Variants in ZNF618 observed in about 807,000 individuals in gnomAD.
ZNF618 encodes the protein neural precursor cell expressed, developmentally down-regulated 10.
A neutral mutation model predicts 103.0 loss-of-function variants in ZNF618; 34 were observed. The observed-to-expected ratio is 0.33, with a 90% CI of 0.25 to 0.44. The LOEUF (loss-of-function observed/expected upper bound fraction) is 0.44, where lower values mean the gene tolerates loss of function less well. Ranked by LOEUF, ZNF618 falls within the 20% of genes least tolerant of loss-of-function variation. ZNF618 has a pLI of 1.00. For synonymous variants in ZNF618, 551 were observed against 542.2 expected, an observed-to-expected ratio of 1.02 and a Z score of -0.23; for missense variants, 1,059 against 1,295.4, an observed-to-expected ratio of 0.82 and a Z score of 2.80.
At chr9:114,042,438 T>C (rs1288886641) in intron 13 of ZNF618, among the ~76,000 whole-genome samples, 1 of 152,138 alleles carries the variant, frequency 6.6e-6, no homozygotes, top group Non-Finnish European at 1.5e-5. Context: ...TTTGGGAAGC[T>C]AAGGAGGGAG....
At chr9:113,958,093 AAAAC>A (rs1836490152) in intron 1 of ZNF618, among the ~76,000 whole-genome samples, 1 of 152,192 alleles carries the variant, frequency 6.6e-6, no homozygotes. Context: ...TTTAAAAAAG[AAAAC>A]AAGCAGAGCA....
chr9:114,005,964 C>A (rs1011206657), intron 6 of ZNF618, among the ~76,000 whole-genome samples: 1 of 152,192 alleles, frequency 6.6e-6, no homozygotes, highest in African/African-American at 2.4e-5. Context: ...TATCCAGCAT[C>A]CTCAGAATGT....
intron 9 of ZNF618, among the ~76,000 whole-genome samples, chr9:114,015,720 G>GA (rs1199426329): frequency 2.0e-5 from 3 of 152,310 alleles, no homozygotes; most frequent in South Asian, 4.1e-4. Context: ...TCTTAATAGG[G>GA]AAAAAATTTT....
chr9:113,951,710 T>C (rs565436412), intron 1 of ZNF618, among the ~76,000 whole-genome samples: 4 of 151,848 alleles, frequency 2.6e-5, no homozygotes, highest in Non-Finnish European at 5.9e-5. Context: ...GAGTACATAG[T>C]GGCTTTTCAG....
At chr9:113,924,212 T>C (rs907813825) in intron 1 of ZNF618, among the ~76,000 whole-genome samples, 33 of 152,036 alleles carry the variant, frequency 2.2e-4, no homozygotes, top group Non-Finnish European at 2.8e-4. Context: ...TACAGGCATT[T>C]TTAGATGATA....
At chr9:113,941,857 C>G (rs1014430310) in intron 1 of ZNF618, among the ~76,000 whole-genome samples, 2 of 152,174 alleles carry the variant, frequency 1.3e-5, no homozygotes, top group East Asian at 3.8e-4. Flanking sequence ...CCATGCAGAG[C>G]TGAGTGAATA....
chr9:114,027,233 C>G (rs1843591280), intron 10 of ZNF618, among the ~76,000 whole-genome samples: 1 of 152,190 alleles, frequency 6.6e-6, no homozygotes, highest in East Asian at 1.9e-4. Context: ...CCTTTGCCAC[C>G]CAAGACTTCT....
chr9:114,024,238 T>G (rs1843304341), intron 10 of ZNF618, among the ~76,000 whole-genome samples: 1 of 152,206 alleles, frequency 6.6e-6, no homozygotes, highest in Admixed American at 6.5e-5. Context: ...TAAGTGAACT[T>G]TTTATTTCAG....
chr9:113,974,366 G>A (rs182828565), intron 2 of ZNF618, among the ~76,000 whole-genome samples: 9 of 152,350 alleles, frequency 5.9e-5, no homozygotes, highest in East Asian at 5.8e-4. Flanking sequence ...CAAGGAGGCC[G>A]GTGTGGCCAC....
At chr9:113,911,992 AAC>A (rs1435918183) in intron 1 of ZNF618, among the ~76,000 whole-genome samples, 5 of 152,202 alleles carry the variant, frequency 3.3e-5, no homozygotes, top group Admixed American at 2.6e-4. Flanking sequence ...GAGGGCCTGA[AAC>A]ACAGATTGCT....
At chr9:114,038,568 A>G (rs145050708) in intron 13 of ZNF618, among the ~76,000 whole-genome samples, 47 of 152,286 alleles carry the variant, frequency 3.1e-4, no homozygotes, top group African/African-American at 8.7e-4. Context: ...AATAACACCA[A>G]TCTCATTATG....
chr9:113,946,025 C>T (rs1834996221), intron 1 of ZNF618, among the ~76,000 whole-genome samples: 1 of 152,298 alleles, frequency 6.6e-6, no homozygotes, highest in African/African-American at 2.4e-5. Flanking sequence ...TTTGAGGCTC[C>T]ATCGGGGACA....
rs754511579 is a variant in ZNF618 at position 114,007,439 on chromosome 9, G to C, written c.640G>C (p.Val214Leu). 3 of 1,612,792 alleles carry C rather than the reference G, an allele frequency of 1.9e-6. No individual in the cohort carries two copies. The highest frequency in any genetic ancestry group is 2.5e-6 in the Non-Finnish European group (3 of 1,179,674). Residue 214 changes from valine (V) to leucine (L), a missense_variant and splice_region_variant, in exon 7 of 15, where the codon GTG (valine) becomes CTG (leucine). Transcript: ENST00000374126. ...QEHRDLHAVD[V>L]FSVEGAPENR... ...GCACCGAGACCTGCACGCAGTGGAT[G>C]GTGAGTCAGGCCCCTCACTCCCTGG...
At position 114,028,746 on chromosome 9, in the gene ZNF618, G is replaced by C. The variant is rs759944903; in HGVS notation, c.858G>C (p.Gly286=). The change falls in exon 11 of 15, where the codon GGG becomes GGC. Residue 286 remains glycine (G), a synonymous_variant. Coordinates refer to ENST00000374126, the MANE Select transcript of ZNF618 (RefSeq NM_001318042.2). The part of the protein sequence containing the change: ...ALHAPISTAP[G]WEPPDDPDTG... ...TGACCCTCTCAGGTACTGCCCCCGG[G>C]TGGGAGCCACCGGATGATCCAGACA... is the stretch of plus-strand genomic sequence containing the variant. The C allele has an allele frequency of 2.3e-5, 35 of 1,550,248 alleles. No individual in the cohort carries two copies. Among genetic ancestry groups the C allele is most frequent in the Non-Finnish European group, 2.7e-5 (31 of 1,146,942 alleles).
At position 114,056,566 on chromosome 9, in the gene ZNF618, G is replaced by C. The variant is rs1259867427; in HGVS notation, c.*6399G>C. 4.6e-5 allele frequency: 7 copies of C among 152,214 alleles called. No individual in the cohort carries two copies. Among genetic ancestry groups the C allele is most frequent in the African/African-American group, 1.7e-4 (7 of 41,452 alleles). 9.4% of individuals were successfully genotyped at this position (152,214 alleles called of 1,614,324 possible). A position where few individuals can be genotyped will look rare whatever the true frequency, so the allele number is the denominator to read the frequency against. On this transcript the variant is annotated 3_prime_UTR_variant, in exon 15 of 15. Transcript: ENST00000374126. Reference sequence around the variant, plus strand: ...GATTTCATGTCAGTGTTGTATTTATGGTTTTACAATAAAACAACCTTTAGG... The same window carrying C: ...GATTTCATGTCAGTGTTGTATTTATCGTTTTACAATAAAACAACCTTTAGG...
At chr9:113,987,934 T>C (rs1233004087) in intron 2 of ZNF618, among the ~76,000 whole-genome samples, 1 of 152,144 alleles carries the variant, frequency 6.6e-6, no homozygotes, top group Non-Finnish European at 1.5e-5. Flanking sequence ...GTATGCACAC[T>C]GAGGTCTAAG....
At chr9:113,913,118 C>T (rs891344123) in intron 1 of ZNF618, among the ~76,000 whole-genome samples, 21 of 152,128 alleles carry the variant, frequency 1.4e-4, no homozygotes, top group African/African-American at 1.9e-4. Context: ...CACCAGGAAC[C>T]GCTGCCACGT....
chr9:113,977,412 T>C (rs774288587), intron 2 of ZNF618, among the ~76,000 whole-genome samples: 13 of 152,196 alleles, frequency 8.5e-5, no homozygotes, highest in Admixed American at 1.3e-4. Context: ...TTATCCTTTG[T>C]TTAGACGTCC....
At chr9:114,001,220 A>G (rs528039335) in intron 4 of ZNF618, among the ~76,000 whole-genome samples, 54 of 151,630 alleles carry the variant, frequency 3.6e-4, no homozygotes, top group African/African-American at 1.2e-3. Flanking sequence ...TGCAGTGCTC[A>G]CTAGGAGCTT....
Sources: allele counts gnomAD v4.1 joint callset (sites outside exome capture counted in the v4.1 genomes callset), GRCh38; gene constraint gnomAD v4.1.1; transcripts MANE v1.5; gene names NCBI Gene and HGNC (gene_info 2026-07-23, HGNC 2026-07-21).